CADM1: variants seen among roughly 807,000 people sequenced by gnomAD.
The protein encoded by CADM1 is TSLC-1.
CADM1 carries 15 observed loss-of-function variants against 53.1 expected under a neutral mutation model. The observed-to-expected ratio is 0.28, with a 90% CI of 0.19 to 0.44. The LOEUF (loss-of-function observed/expected upper bound fraction) is 0.44, where lower values mean the gene tolerates loss of function less well. CADM1 is among the 20% of genes least tolerant of loss of function. CADM1 has a pLI of 1.00. For synonymous variants in CADM1, 281 were observed against 243.0 expected (o/e 1.16, Z -1.45); for missense variants, 434 against 611.3 (o/e 0.71, Z 3.06).
At chr11:115,367,916 A>G (rs2135114864) in intron 1 of CADM1, among the ~76,000 whole-genome samples, 1 of 152,176 alleles carries the variant, frequency 6.6e-6, no homozygotes, top group East Asian at 1.9e-4. Context: ...ACTTGTTTAC[A>G]TTAACTTTTA....
intron 1 of CADM1, among the ~76,000 whole-genome samples, chr11:115,412,778 G>C (rs1007441664): frequency 9.9e-5 from 15 of 152,122 alleles, no homozygotes; most frequent in Admixed American, 8.5e-4. Flanking sequence ...TAAAACTACA[G>C]GTGTTTTACA....
chr11:115,221,697 T>C (rs895601831), intron 5 of CADM1, among the ~76,000 whole-genome samples: 1 of 152,180 alleles, frequency 6.6e-6, no homozygotes, highest in African/African-American at 2.4e-5. Context: ...CAGTCTCCTC[T>C]GTAGGTCCAA....
At chr11:115,356,317 G>A (rs535623540) in intron 1 of CADM1, among the ~76,000 whole-genome samples, 124 of 150,344 alleles carry the variant, frequency 8.2e-4, no homozygotes, top group Non-Finnish European at 1.4e-3. Flanking sequence ...AATAACCTGC[G>A]AATTTGGAAG....
chr11:115,201,282 T>G (rs1329487303), intron 8 of CADM1, among the ~76,000 whole-genome samples: 3 of 152,026 alleles, frequency 2.0e-5, no homozygotes, highest in African/African-American at 2.4e-5. Flanking sequence ...AGTCACTGAC[T>G]CCATTTCTCT....
chr11:115,356,400 G>A (rs1462777602), intron 1 of CADM1, among the ~76,000 whole-genome samples: 1 of 151,928 alleles, frequency 6.6e-6, no homozygotes, highest in Admixed American at 6.6e-5. Context: ...ACTACAGGAG[G>A]AAACGACAAG....
chr11:115,473,872 C>T (rs920811763), intron 1 of CADM1, among the ~76,000 whole-genome samples: 1 of 152,072 alleles, frequency 6.6e-6, no homozygotes, highest in Non-Finnish European at 1.5e-5. Context: ...CAGCAAAAGA[C>T]ACTATTAAGA....
At chr11:115,222,920 A>G (rs545672192) in intron 5 of CADM1, among the ~76,000 whole-genome samples, 14 of 152,146 alleles carry the variant, frequency 9.2e-5, no homozygotes, top group African/African-American at 3.4e-4. Flanking sequence ...CTATAGCAAG[A>G]TTTTCTGTAC....
At chr11:115,270,488 T>A (rs941316144) in intron 1 of CADM1, among the ~76,000 whole-genome samples, 1 of 152,220 alleles carries the variant, frequency 6.6e-6, no homozygotes, top group Non-Finnish European at 1.5e-5. Flanking sequence ...CCAGAACATT[T>A]CCTTCTTATT....
At chr11:115,375,514 G>C (rs1246851551) in intron 1 of CADM1, among the ~76,000 whole-genome samples, 1 of 152,100 alleles carries the variant, frequency 6.6e-6, no homozygotes, top group Admixed American at 6.5e-5. Flanking sequence ...CTAAAAAATA[G>C]TTAAGAGTAG....
chr11:115,479,120 T>C, intron 1 of CADM1, among the ~76,000 whole-genome samples: 1 of 152,158 alleles, frequency 6.6e-6, no homozygotes, highest in Admixed American at 6.5e-5. Context: ...ATAAATCATC[T>C]AGAAGTGGCA....
intron 1 of CADM1, among the ~76,000 whole-genome samples, chr11:115,316,475 G>A (rs894805975): frequency 2.0e-5 from 3 of 152,120 alleles, no homozygotes; most frequent in South Asian, 2.1e-4. Flanking sequence ...TGATAGTTCC[G>A]AGGCGGAATT....
chr11:115,372,024 A>C (rs1288628562), intron 1 of CADM1, among the ~76,000 whole-genome samples: 1 of 152,214 alleles, frequency 6.6e-6, no homozygotes, highest in East Asian at 1.9e-4. Context: ...ATAATGGTTA[A>C]GAAGAGTAAG....
intron 1 of CADM1, among the ~76,000 whole-genome samples, chr11:115,363,385 T>C (rs879402578): frequency 6.6e-6 from 1 of 152,196 alleles, no homozygotes; most frequent in Non-Finnish European, 1.5e-5. Flanking sequence ...GTGCTCCAGG[T>C]AACGTCTTTT....
At chr11:115,232,694 T>G (rs530257869) in intron 3 of CADM1, among the ~76,000 whole-genome samples, 41 of 152,334 alleles carry the variant, frequency 2.7e-4, no homozygotes, top group South Asian at 6.2e-4. Context: ...ATGTTATCTT[T>G]TATGAAACTG....
At chr11:115,190,761 A>G (rs368866930) in intron 10 of CADM1, 127 bp downstream of exon 10, 1 of 688,658 alleles carries the variant, frequency 1.5e-6, no homozygotes. Context: ...TATTGATACA[A>G]ATTTGTTTTT....
intron 1 of CADM1, among the ~76,000 whole-genome samples, chr11:115,389,122 TAAA>T (rs914311026): frequency 2.0e-5 from 3 of 151,742 alleles, no homozygotes; most frequent in African/African-American, 7.3e-5. Context: ...GGGAAAAAGA[TAAA>T]GAAGGAAGGA....
intron 1 of CADM1, among the ~76,000 whole-genome samples, chr11:115,403,065 G>C (rs548657467): frequency 6.6e-6 from 1 of 152,326 alleles, no homozygotes; most frequent in Non-Finnish European, 1.5e-5. Flanking sequence ...AAACGTGGCA[G>C]ACACCACCTT....
intron 1 of CADM1, among the ~76,000 whole-genome samples, chr11:115,413,188 G>T (rs1947500304): frequency 6.6e-6 from 1 of 152,182 alleles, no homozygotes; most frequent in Non-Finnish European, 1.5e-5. Context: ...TAAATGGTTA[G>T]AAGACCTAAA....
chr11:115,304,745 A>G (rs146178267), intron 1 of CADM1, among the ~76,000 whole-genome samples: 1 of 152,192 alleles, frequency 6.6e-6, no homozygotes, highest in Non-Finnish European at 1.5e-5. Context: ...ATAAATATTA[A>G]TAACATAACA....
Sources: allele counts gnomAD v4.1 joint callset (sites outside exome capture counted in the v4.1 genomes callset), GRCh38; gene constraint gnomAD v4.1.1; transcripts MANE v1.5; gene names NCBI Gene and HGNC (gene_info 2026-07-23, HGNC 2026-07-21).